Variants in ZNF790 observed in about 807,000 individuals in gnomAD.
ZNF790 encodes zinc finger protein 790.
A neutral mutation model predicts 12.1 loss-of-function variants in ZNF790; 8 were observed. The ratio of observed to expected loss-of-function variants is 0.66; its 90% CI spans 0.39 to 1.19. The LOEUF (loss-of-function observed/expected upper bound fraction) is 1.19. ZNF790 is among the 50% of genes most tolerant of loss of function. The pLI, the probability that ZNF790 is intolerant of heterozygous loss-of-function variation, is 0.01. For missense variants in ZNF790, 707 were observed against 752.2 expected (o/e 0.94, Z 0.70); for synonymous variants, 252 against 244.3 (o/e 1.03, Z -0.29).
intron 1 of ZNF790, among the ~76,000 whole-genome samples, chr19:36,847,096 C>T (rs1050732783): frequency 1.3e-5 from 2 of 152,184 alleles, no homozygotes; most frequent in Middle Eastern, 3.2e-3. Flanking sequence ...TGGCTCACAC[C>T]TGTAATCCCA....
chr19:36,836,533 C>T (rs2072049434), intron 1 of ZNF790, among the ~76,000 whole-genome samples: 2 of 151,864 alleles, frequency 1.3e-5, no homozygotes, highest in Non-Finnish European at 2.9e-5. Context: ...CCGAGGCGGG[C>T]GGATCACAAA....
chr19:36,818,197 A>C lies in ZNF790; in HGVS notation c.*236T>G. 3.3e-6 allele frequency: 1 copy of C among 302,532 alleles called. No individual in the cohort carries two copies. Among genetic ancestry groups the C allele is most frequent in the East Asian group, 5.5e-5 (1 of 18,196 alleles). 18.7% of individuals were successfully genotyped at this position (302,532 alleles called of 1,614,324 possible). A position where few individuals can be genotyped will look rare whatever the true frequency, so the allele number is the denominator to read the frequency against. On this transcript the variant is annotated 3_prime_UTR_variant, in exon 5 of 5. Transcript: ENST00000356725. Reference sequence around the variant, plus strand: ...GAATGATTCAAAAAGAATTCATGCTATCTCATAAAATTTTACCCTGATATT... The same window carrying C: ...GAATGATTCAAAAAGAATTCATGCTCTCTCATAAAATTTTACCCTGATATT...
In ZNF790 at chr19:36,818,600, T is replaced by A; in HGVS notation, c.1744A>T (p.Ile582Phe). The A allele has an allele frequency of 6.2e-7, 1 of 1,611,468 alleles. No homozygotes were observed. Among genetic ancestry groups the A allele is most frequent in the Non-Finnish European group, 8.5e-7 (1 of 1,178,058 alleles). The stretch of plus-strand genomic sequence containing the variant: ...TCACAGAGATTTGCACTATTATGAA[T>A]TTTTTGTTCAGTAAAATATGAATGG... ...SHHSYFTEQK[I>F]HNSANLCEWT... The change falls in exon 5 of 5, where the codon ATT becomes TTT. Residue 582 changes from isoleucine to phenylalanine, a missense_variant. By Grantham distance (21) the Ile-to-Phe change is conservative (BLOSUM62 0). Transcript: ENST00000356725.
At chr19:36,836,844 C>A (rs970578896) in intron 1 of ZNF790, among the ~76,000 whole-genome samples, 1 of 152,176 alleles carries the variant, frequency 6.6e-6, no homozygotes, top group Admixed American at 6.5e-5. Flanking sequence ...TAGTTATCAG[C>A]CTATGAGGAA....
intron 4 of ZNF790, among the ~76,000 whole-genome samples, chr19:36,822,774 A>T (rs2071702522): frequency 6.6e-6 from 1 of 152,060 alleles, no homozygotes; most frequent in East Asian, 1.9e-4. Context: ...TCCTGACCTC[A>T]GGTGGACTGC....
intron 1 of ZNF790, among the ~76,000 whole-genome samples, chr19:36,836,478 G>T (rs909588026): frequency 2.6e-5 from 4 of 151,932 alleles, no homozygotes; most frequent in Non-Finnish European, 4.4e-5. Flanking sequence ...ACACACACCG[G>T]CTGGGCGCGG....
In ZNF790 at chr19:36,819,262, G is replaced by C. The variant is rs746177090; in HGVS notation, c.1082C>G (p.Thr361Ser). 1 of 1,613,342 alleles carries C rather than the reference G, an allele frequency of 6.2e-7. No homozygotes were observed. The highest frequency in any genetic ancestry group is 1.7e-5 in the Admixed American group (1 of 59,890). ...SHLTQHQRIH[T>S]GEKSHECKEC... ...CTTACACTCATGAGATTTCTCACCA[G>C]TATGAATTCTCTGATGCTGAGTTAG... Residue 361 changes from threonine (T) to serine (S), a missense_variant, in exon 5 of 5, where the codon ACT (threonine) becomes AGT (serine). Physicochemically the swap from Thr to Ser is moderately conservative, Grantham distance 58. Transcript: ENST00000356725.
intron 2 of ZNF790, among the ~76,000 whole-genome samples, chr19:36,824,143 C>G (rs2071743557): frequency 1.3e-5 from 2 of 151,630 alleles, no homozygotes; most frequent in South Asian, 4.2e-4. Context: ...ACTACAGGCG[C>G]CCGCTACCAC....
At position 36,818,524 on chromosome 19, in the gene ZNF790, T is replaced by C; in HGVS notation, c.1820A>G (p.His607Arg). 1 of 1,602,104 alleles carries C rather than the reference T, an allele frequency of 6.2e-7. No individual in the cohort carries two copies. Among genetic ancestry groups the C allele is most frequent in the Non-Finnish European group, 8.5e-7 (1 of 1,170,422 alleles). ...TTTCTCAAAAGTGTAAATATTCTGGTGTTGAGCAAAGTTTGACTCATGACT... is the reference window on the plus strand; with the variant it reads ...TTTCTCAAAAGTGTAAATATTCTGGCGTTGAGCAAAGTTTGACTCATGACT... ...TFSHESNFAQHQNIYTFEKSY... is the reference protein window; with the variant it reads ...TFSHESNFAQRQNIYTFEKSY... The change falls in exon 5 of 5, where the codon CAC becomes CGC. Residue 607 changes from histidine (H) to arginine (R), a missense_variant. Transcript: ENST00000356725.
upstream of ZNF790, among the ~76,000 whole-genome samples, chr19:36,840,105 A>T (rs2072117304): frequency 6.6e-6 from 1 of 152,212 alleles, no homozygotes; most frequent in African/African-American, 2.4e-5. Flanking sequence ...TGAAATGTAT[A>T]TAAATGCAAT....
rs1300880561 is a variant in ZNF790 at position 36,823,738 on chromosome 19, C to T, written c.62G>A (p.Cys21Tyr). Residue 21 changes from cysteine to tyrosine, a missense_variant, in exon 3 of 5, where the codon TGC becomes TAC. Cys to Tyr is a radical substitution (Grantham distance 194). Transcript: ENST00000356725. Reference sequence around the variant, plus strand: ...TAAATCCCTCTGTTCCAGGTCCAGGCACTCCCACTCCTCCTGAGAGAAATC... The same window carrying T: ...TAAATCCCTCTGTTCCAGGTCCAGGTACTCCCACTCCTCCTGAGAGAAATC... ...AVDFSQEEWE[C>Y]LDLEQRDLYR... 5.0e-6 allele frequency: 8 copies of T among 1,613,234 alleles called. No individual in the cohort carries two copies. The highest frequency in any genetic ancestry group is 2.2e-5 in the East Asian group (1 of 44,862).
At chr19:36,836,467 C>T (rs150458076) in intron 1 of ZNF790, among the ~76,000 whole-genome samples, 1 of 151,842 alleles carries the variant, frequency 6.6e-6, no homozygotes, top group Non-Finnish European at 1.5e-5. Context: ...AAAAAACACA[C>T]ACACACACCG....
At chr19:36,846,055 C>T (rs2072177798) in intron 1 of ZNF790, among the ~76,000 whole-genome samples, 1 of 152,032 alleles carries the variant, frequency 6.6e-6, no homozygotes, top group African/African-American at 2.4e-5. Context: ...GTGATACGCC[C>T]ATCTTGGCCT....
At chr19:36,822,729 G>A (rs1341582083) in intron 4 of ZNF790, among the ~76,000 whole-genome samples, 6 of 151,794 alleles carry the variant, frequency 4.0e-5, no homozygotes, top group African/African-American at 1.2e-4. Context: ...TAGTAGAGAC[G>A]AGGTTTCACC....
In ZNF790 at chr19:36,819,245, C is replaced by G. The variant is rs752334094; in HGVS notation, c.1099G>C (p.Glu367Gln). 30 of 1,613,774 alleles carry G rather than the reference C, an allele frequency of 1.9e-5. No individual in the cohort carries two copies. The Middle Eastern group carries it at 5.0e-4, about 27-fold the overall frequency. ...AAGGCTTTTCCACATTCCTTACACTCATGAGATTTCTCACCAGTATGAATT... is the reference window on the plus strand; with the variant it reads ...AAGGCTTTTCCACATTCCTTACACTGATGAGATTTCTCACCAGTATGAATT... ...QRIHTGEKSH[E>Q]CKECGKAFIR... The change falls in exon 5 of 5, where the codon GAG (glutamate) becomes CAG (glutamine). Residue 367 changes from glutamate to glutamine, a missense_variant. By Grantham distance (29) the Glu-to-Gln change is conservative. Transcript: ENST00000356725.
intron 1 of ZNF790, chr19:36,849,855 T>C (rs984532253): frequency 6.6e-6 from 1 of 150,824 alleles, no homozygotes; most frequent in African/African-American, 2.5e-5. Context: ...GCTGCACACA[T>C]CTTGACCTCA....
At chr19:36,844,929 T>C (rs1223831686) in intron 1 of ZNF790, among the ~76,000 whole-genome samples, 8 of 147,736 alleles carry the variant, frequency 5.4e-5, no homozygotes. Context: ...GCGCCTGTAG[T>C]CCCAGCTACT....
chr19:36,825,962 C>T (rs899920910), intron 1 of ZNF790, among the ~76,000 whole-genome samples: 5 of 152,190 alleles, frequency 3.3e-5, no homozygotes, highest in Middle Eastern at 3.4e-3. Context: ...ATCCTCAAGC[C>T]GCCTATGAAT....
chr19:36,831,121 G>A (rs1233252765), intron 1 of ZNF790, among the ~76,000 whole-genome samples: 3 of 143,066 alleles, frequency 2.1e-5, no homozygotes, highest in Non-Finnish European at 4.5e-5. Flanking sequence ...CCTAGCAACA[G>A]AGCAAGACTC....
Sources: gnomAD v4.1 joint callset for allele counts (sites outside exome capture counted in the v4.1 genomes callset) on GRCh38, gnomAD v4.1.1 for gene constraint, MANE v1.5 for transcripts, NCBI Gene and HGNC (gene_info 2026-07-23, HGNC 2026-07-21) for gene names.